IPO11: variants seen among roughly 807,000 people sequenced by gnomAD.
IPO11 encodes importin-11.
In IPO11, 66 loss-of-function variants were observed where a neutral mutation model predicts 143.2. That is an observed-to-expected ratio of 0.46 (90% CI 0.38 to 0.57). IPO11 has a LOEUF of 0.57. Ranked by LOEUF, IPO11 falls within the 20% of genes least tolerant of loss-of-function variation. The probability of loss-of-function intolerance (pLI) is 0.00; values close to 1 mark genes in which losing one functional copy is unlikely to be tolerated. For missense variants in IPO11, 1,026 were observed against 1,141.0 expected, an observed-to-expected ratio of 0.90 and a Z score of 1.45; for synonymous variants, 385 against 377.8, an observed-to-expected ratio of 1.02 and a Z score of -0.22.
intron 1 of IPO11, chr5:62,418,987 C>G (rs971280786): frequency 6.5e-7 from 1 of 1,544,562 alleles, no homozygotes; most frequent in African/African-American, 1.4e-5. Context: ...TTTTGTTGTT[C>G]TATGAACATC....
At chr5:62,531,335 G>A (rs142627387) in intron 22 of IPO11, among the ~76,000 whole-genome samples, 29 of 152,136 alleles carry the variant, frequency 1.9e-4, no homozygotes, top group African/African-American at 7.0e-4. Flanking sequence ...ATCTCATCTG[G>A]CTATTTTTTT....
chr5:62,491,702 G>A (rs1014188630), intron 15 of IPO11, among the ~76,000 whole-genome samples: 3 of 130,730 alleles, frequency 2.3e-5, no homozygotes, highest in African/African-American at 8.8e-5. Context: ...GTCTTGCTCT[G>A]TTGCCCAGGC....
chr5:62,591,743 C>T (rs528228507), intron 28 of IPO11, 71 bp downstream of exon 28: 35 of 955,086 alleles, frequency 3.7e-5, no homozygotes, highest in Non-Finnish European at 5.1e-5. Flanking sequence ...TGATTTTTTT[C>T]ACCATCACTC....
chr5:62,576,694 G>A (rs1445353458), intron 27 of IPO11, among the ~76,000 whole-genome samples: 1 of 152,150 alleles, frequency 6.6e-6, no homozygotes, highest in African/African-American at 2.4e-5. Flanking sequence ...GAGGGAAGAG[G>A]ATCACTTGAG....
chr5:62,480,411 C>G (rs562829542), intron 9 of IPO11, among the ~76,000 whole-genome samples: 4 of 152,044 alleles, frequency 2.6e-5, no homozygotes, highest in Admixed American at 6.6e-5. Context: ...AGGACTGTCT[C>G]GGCAATGCGG....
At chr5:62,459,803 C>T (rs1561319848) in intron 5 of IPO11, among the ~76,000 whole-genome samples, 1 of 152,174 alleles carries the variant, frequency 6.6e-6, no homozygotes, top group Admixed American at 6.5e-5. Context: ...CCAGCCTTGG[C>T]CTCCCAAAGT....
At chr5:62,520,964 C>T (rs934720778) in intron 20 of IPO11, among the ~76,000 whole-genome samples, 1 of 152,180 alleles carries the variant, frequency 6.6e-6, no homozygotes, top group Non-Finnish European at 1.5e-5. Flanking sequence ...GTTTACAGTC[C>T]CACCAACAGT....
Position 62,494,034 on chromosome 5 carries a change from C to T in IPO11, c.1500C>T (p.Ile500=), listed in dbSNP as rs760600917. ...KPLRRRVIWL[I]GQWISVKFKS... ...TGCGACGCAGGGTGATTTGGCTCAT[C>T]GGTCAGTGGATTTCTGTGAAATTCA... Residue 500 remains isoleucine, a synonymous_variant, in exon 16 of 30, where the codon ATC becomes ATT. Coordinates refer to ENST00000325324, the MANE Select transcript of IPO11 (RefSeq NM_016338.5). 22 of 1,612,994 alleles carry T rather than the reference C, an allele frequency of 1.4e-5. No individual in the cohort carries two copies. Among genetic ancestry groups the T allele is most frequent in the East Asian group, 1.3e-4 (6 of 44,824 alleles).
chr5:62,615,905 A>AT (rs1047516618), intron 29 of IPO11, among the ~76,000 whole-genome samples: 5 of 152,120 alleles, frequency 3.3e-5, no homozygotes, highest in Admixed American at 1.3e-4. Flanking sequence ...ATTTTGTTTG[A>AT]TTACATGGCA....
At chr5:62,529,072 C>T (rs1398197671) in intron 21 of IPO11, among the ~76,000 whole-genome samples, 1 of 152,076 alleles carries the variant, frequency 6.6e-6, no homozygotes, top group African/African-American at 2.4e-5. Context: ...ATTCTACTTG[C>T]TTTAGGTTTA....
intron 27 of IPO11, among the ~76,000 whole-genome samples, chr5:62,574,260 C>T (rs1744239393): frequency 6.6e-6 from 1 of 152,124 alleles, no homozygotes; most frequent in East Asian, 1.9e-4. Flanking sequence ...TCTCTCATAG[C>T]CTTATTAAAT....
chr5:62,581,498 TTAAG>T lies in IPO11; in HGVS notation c.2583-10075_2583-10072del, dbSNP rs528202558. On this transcript the variant is annotated intron_variant, in intron 27 of 29. Transcript: ENST00000325324. ...AATATTTTCTTTGATATATACTGTA[TTAAG>T]TAATAATAGCTAACATTTCTGTGTA... The T allele has an allele frequency of 1.4e-3, 711 of 502,536 alleles. 3 individuals carry two copies. Among genetic ancestry groups the T allele is most frequent in the African/African-American group, 0.012 (608 of 49,376 alleles). The allele number at this position is 502,536 out of a possible 1,614,324, so 31.1% of individuals were successfully genotyped here.
At chr5:62,523,456 A>T (rs948581000) in intron 20 of IPO11, among the ~76,000 whole-genome samples, 9 of 152,220 alleles carry the variant, frequency 5.9e-5, no homozygotes, top group Non-Finnish European at 8.8e-5. Context: ...TTAGAAAAGT[A>T]GTCAGTGCAC....
intron 5 of IPO11, among the ~76,000 whole-genome samples, chr5:62,453,058 G>C (rs532115071): frequency 6.6e-6 from 1 of 151,036 alleles, no homozygotes; most frequent in East Asian, 1.9e-4. Flanking sequence ...ACGGTCACAT[G>C]ATAGGGCTCA....
chr5:62,614,721 T>G (rs1410650910), intron 29 of IPO11, among the ~76,000 whole-genome samples: 2 of 152,122 alleles, frequency 1.3e-5, no homozygotes, highest in African/African-American at 4.8e-5. Context: ...TGTGTGTGTG[T>G]GTGTTACAGT....
At chr5:62,572,485 T>A (rs894972865) in intron 27 of IPO11, among the ~76,000 whole-genome samples, 37 of 152,216 alleles carry the variant, frequency 2.4e-4, no homozygotes, top group African/African-American at 8.7e-4. Flanking sequence ...ACACAATACC[T>A]TTAAACTATA....
intron 27 of IPO11, among the ~76,000 whole-genome samples, chr5:62,574,111 T>A (rs1013885559): frequency 2.6e-5 from 4 of 152,246 alleles, no homozygotes; most frequent in Non-Finnish European, 5.9e-5. Flanking sequence ...CTCCCAAATC[T>A]GTGCTTTTAA....
chr5:62,487,321 G>A (rs1746444005), intron 12 of IPO11, among the ~76,000 whole-genome samples: 1 of 152,022 alleles, frequency 6.6e-6, no homozygotes, highest in Non-Finnish European at 1.5e-5. Flanking sequence ...GCTTGAACCT[G>A]GGAGGTGGAG....
At chr5:62,595,032 C>A (rs909461912) in intron 28 of IPO11, among the ~76,000 whole-genome samples, 1 of 152,078 alleles carries the variant, frequency 6.6e-6, no homozygotes, top group African/African-American at 2.4e-5. Context: ...TTGTGGAGGA[C>A]GACAGAAGGG....
Sources: allele counts gnomAD v4.1 joint callset (sites outside exome capture counted in the v4.1 genomes callset), GRCh38; gene constraint gnomAD v4.1.1; transcripts MANE v1.5; gene names NCBI Gene and HGNC (gene_info 2026-07-23, HGNC 2026-07-21).